DCAF8L2: variants seen among roughly 807,000 people sequenced by gnomAD.
DCAF8L2 encodes the protein DDB1 and CUL4 associated factor 8 like 2, also known as DDB1- and CUL4-associated factor 8-like protein 2.
For synonymous variants in DCAF8L2, 200 were observed against 190.9 expected, an observed-to-expected ratio of 1.05 and a Z score of -0.39; for missense variants, 430 against 490.7, an observed-to-expected ratio of 0.88 and a Z score of 1.17.
chrX:27,515,655 A>G, the DCAF8L2 span, among the ~76,000 whole-genome samples: 1 of 112,604 alleles, frequency 8.9e-6, no homozygotes, highest in Non-Finnish European at 1.9e-5. Context: ...CCTAATCTAC[A>G]AATAGATCAT....
the DCAF8L2 span, among the ~76,000 whole-genome samples, chrX:27,482,266 A>G: frequency 1.8e-5 from 2 of 111,614 alleles, no homozygotes; most frequent in Non-Finnish European, 3.8e-5. Context: ...ATGTGGTCCT[A>G]TGTTAAAATT....
chrX:27,517,977 C>T, the DCAF8L2 span: 1 of 1,181,266 alleles, frequency 8.5e-7, no homozygotes, highest in East Asian at 3.0e-5. Flanking sequence ...ATGTAGACAG[C>T]AAAGGTTATC....
chrX:27,597,295 T>C (rs974229713), intron 1 of DCAF8L2, among the ~76,000 whole-genome samples: 3 of 111,688 alleles, frequency 2.7e-5, no homozygotes, highest in African/African-American at 9.7e-5. Context: ...AAATTCTGAA[T>C]TTTCAATTCT....
chrX:27,710,940 A>G (rs1931503869), intron 3 of DCAF8L2, among the ~76,000 whole-genome samples: 1 of 112,085 alleles, frequency 8.9e-6, no homozygotes, highest in South Asian at 3.7e-4. Flanking sequence ...TTTGATGAAT[A>G]TTTTTATCAT....
At chrX:27,505,165 A>C in the DCAF8L2 span, among the ~76,000 whole-genome samples, 1 of 111,782 alleles carries the variant, frequency 8.9e-6, no homozygotes, top group African/African-American at 3.2e-5. Flanking sequence ...ATGTGAGGTC[A>C]GATTTAAATA....
At chrX:27,726,598 A>G (rs1222835460) in intron 4 of DCAF8L2, among the ~76,000 whole-genome samples, 2 of 111,392 alleles carry the variant, frequency 1.8e-5, no homozygotes, top group Admixed American at 1.9e-4. Flanking sequence ...CTCTCTGAAA[A>G]GGTAATGACT....
intron 2 of DCAF8L2, among the ~76,000 whole-genome samples, chrX:27,651,225 A>G (rs890896999): frequency 2.7e-5 from 3 of 111,188 alleles, no homozygotes; most frequent in Admixed American, 9.6e-5. Context: ...TTTTGTTTCT[A>G]TGTTCATCAG....
chrX:27,728,759 A>G (rs1452646186), intron 4 of DCAF8L2, among the ~76,000 whole-genome samples: 1 of 112,346 alleles, frequency 8.9e-6, no homozygotes, highest in Non-Finnish European at 1.9e-5. Flanking sequence ...TTCAGTCAGT[A>G]CATTCTCTGT....
chrX:27,575,991 C>T, the DCAF8L2 span, among the ~76,000 whole-genome samples: 1 of 111,808 alleles, frequency 8.9e-6, no homozygotes, highest in Admixed American at 9.5e-5. Flanking sequence ...GGAACAAATT[C>T]TGAAAGATCT....
At chrX:27,658,760 G>T (rs992521060) in intron 2 of DCAF8L2, among the ~76,000 whole-genome samples, 15 of 112,285 alleles carry the variant, frequency 1.3e-4, no homozygotes, top group Admixed American at 1.1e-3. Flanking sequence ...CACTGGGTTT[G>T]TAACAGTCAG....
At chrX:27,711,395 G>A (rs867308087) in intron 3 of DCAF8L2, among the ~76,000 whole-genome samples, 5 of 89,597 alleles carry the variant, frequency 5.6e-5, no homozygotes, top group African/African-American at 2.4e-4. Flanking sequence ...GTGTGTGTGT[G>A]TACGTGTGTG....
chrX:27,506,405 G>C, the DCAF8L2 span, among the ~76,000 whole-genome samples: 1 of 111,700 alleles, frequency 9.0e-6, no homozygotes, highest in African/African-American at 3.3e-5. Context: ...TAGGGTGGCT[G>C]TAAGAAAGTC....
intron 1 of DCAF8L2, among the ~76,000 whole-genome samples, chrX:27,622,979 CA>C (rs1487710887): frequency 1.8e-5 from 2 of 112,014 alleles, no homozygotes; most frequent in East Asian, 5.6e-4. Context: ...TTGGTTAAAA[CA>C]TAATTCTGTA....
chrX:27,484,546 A>G, the DCAF8L2 span, among the ~76,000 whole-genome samples: 1 of 111,766 alleles, frequency 8.9e-6, no homozygotes, highest in African/African-American at 3.2e-5. Context: ...TGTATTCTTT[A>G]TAGATATTAA....
the DCAF8L2 span, among the ~76,000 whole-genome samples, chrX:27,578,501 G>C: frequency 6.3e-5 from 7 of 111,745 alleles, no homozygotes; most frequent in Non-Finnish European, 9.4e-5. Context: ...CATGGGCAAA[G>C]ATTTCATGAA....
the DCAF8L2 span, among the ~76,000 whole-genome samples, chrX:27,568,901 T>G: frequency 9.8e-6 from 1 of 101,747 alleles, no homozygotes; most frequent in Admixed American, 1.1e-4. Flanking sequence ...AATTCCCACC[T>G]AATTCTTTCT....
intron 3 of DCAF8L2, among the ~76,000 whole-genome samples, chrX:27,698,023 T>A (rs1294232007): frequency 4.5e-5 from 5 of 110,072 alleles, no homozygotes; most frequent in East Asian, 5.6e-4. Context: ...AAATTTTTTT[T>A]ATTAACTATT....
intron 1 of DCAF8L2, among the ~76,000 whole-genome samples, chrX:27,602,142 TCTC>T (rs1926675968): frequency 9.0e-6 from 1 of 110,890 alleles, no homozygotes; most frequent in South Asian, 3.8e-4. Flanking sequence ...TTCAAGCAAT[TCTC>T]CTGCCTCAGC....
rs1569160950 is a variant in DCAF8L2 at position 27,615,562 on chromosome X, A to ATCTAATCTATCTC, written c.-341-16313_-341-16312insATCTATCTCTCTA. Among the ~76,000 whole-genome samples the ATCTAATCTATCTC allele has an allele frequency of 2.1e-4, 22 of 105,873 alleles. 1 individual carries two copies. Among genetic ancestry groups the ATCTAATCTATCTC allele is most frequent in the African/African-American group, 7.5e-4 (20 of 26,618 alleles). The allele number at this position is 105,873 out of a possible 115,157, so 91.9% of individuals were successfully genotyped here. On this transcript the variant is annotated intron_variant, in intron 1 of 4. Coordinates refer to ENST00000451261, the MANE Select transcript of DCAF8L2 (RefSeq NM_001353450.2). ...ATCTATCTATCTATCTAATCTATCT[A>ATCTAATCTATCTC]TCTATATTTTCTGACTTGAAAAAGT...
Sources: allele counts gnomAD v4.1 joint callset (sites outside exome capture counted in the v4.1 genomes callset), GRCh38; gene constraint gnomAD v4.1.1; transcripts MANE v1.5; gene names NCBI Gene and HGNC (gene_info 2026-07-23, HGNC 2026-07-21).